GRIN2A: variants seen among roughly 807,000 people sequenced by gnomAD.
GRIN2A encodes the protein glutamate ionotropic receptor NMDA type subunit 2A, also known as glutamate receptor ionotropic, NMDA 2A.
Under a neutral mutation model 113.4 loss-of-function variants are expected in GRIN2A, and 22 were observed. The ratio of observed to expected loss-of-function variants is 0.19; its 90% CI spans 0.14 to 0.28. The LOEUF is 0.28. Among genes scored for constraint, GRIN2A ranks in the 10% least tolerant of loss-of-function variants. GRIN2A has a pLI of 1.00. For missense variants in GRIN2A, 1,502 were observed against 1,887.0 expected (o/e 0.80, Z 3.78); for synonymous variants, 827 against 738.4 (o/e 1.12, Z -1.94).
intron 2 of GRIN2A, among the ~76,000 whole-genome samples, chr16:9,946,307 T>C (rs924792806): frequency 3.9e-5 from 6 of 152,232 alleles, no homozygotes; most frequent in Admixed American, 1.3e-4. Context: ...CCAGCTAATC[T>C]CACACAGAAA....
At chr16:9,990,361 T>C (rs77479911) in intron 2 of GRIN2A, among the ~76,000 whole-genome samples, 1 of 151,622 alleles carries the variant, frequency 6.6e-6, no homozygotes, top group African/African-American at 2.4e-5. Context: ...ATGGGAACAA[T>C]AGACATTGGG....
chr16:10,091,905 G>C (rs1269049076), intron 2 of GRIN2A, among the ~76,000 whole-genome samples: 1 of 152,132 alleles, frequency 6.6e-6, no homozygotes, highest in African/African-American at 2.4e-5. Flanking sequence ...AATTTTTTTA[G>C]GGCTGGTGAA....
At chr16:9,962,782 AAGGATT>A (rs1030437698) in intron 2 of GRIN2A, among the ~76,000 whole-genome samples, 119 of 152,290 alleles carry the variant, frequency 7.8e-4, no homozygotes, top group African/African-American at 2.7e-3. Context: ...TATATACCCA[AAGGATT>A]ATAAATCATG....
chr16:9,920,584 G>A (rs1203826298), intron 3 of GRIN2A, among the ~76,000 whole-genome samples: 1 of 137,990 alleles, frequency 7.2e-6, no homozygotes, highest in Admixed American at 7.3e-5. Flanking sequence ...TTTTTTTTCA[G>A]ATGGAGTCTT....
rs533664379 is a variant in GRIN2A, at chr16:9,810,789, C to T, written c.2168+11475G>A. On this transcript the variant is annotated intron_variant, in intron 10 of 12. Coordinates refer to ENST00000330684, the MANE Select transcript of GRIN2A (RefSeq NM_001134407.3). ...CACCATGCTTGTTATTGGTTATGGC[C>T]ACTCTAGGAAACTACTTCACTGGGG... is the stretch of plus-strand genomic sequence containing the variant. Among the ~76,000 whole-genome samples, 3 of 152,302 alleles carry T rather than the reference C, an allele frequency of 2.0e-5. No individual in the cohort carries two copies. In the South Asian group the frequency reaches 6.2e-4, roughly 32 times the overall value.
intron 2 of GRIN2A, among the ~76,000 whole-genome samples, chr16:10,145,308 G>A (rs551638938): frequency 6.6e-6 from 1 of 152,250 alleles, no homozygotes; most frequent in African/African-American, 2.4e-5. Flanking sequence ...GTTCTTAAGA[G>A]AGATCTCATC....
chr16:9,755,243 T>C lies in GRIN2A; in HGVS notation c.*7906A>G, dbSNP rs1378990053. 3 of 186,276 alleles carry C rather than the reference T, an allele frequency of 1.6e-5. No individual in the cohort carries two copies. Among genetic ancestry groups the C allele is most frequent in the Non-Finnish European group, 3.4e-5 (3 of 88,142 alleles). 11.5% of individuals were successfully genotyped at this position (186,276 alleles called of 1,614,324 possible). On this transcript the variant is annotated 3_prime_UTR_variant, in exon 13 of 13. Coordinates refer to ENST00000330684, the MANE Select transcript of GRIN2A (RefSeq NM_001134407.3). ...TGAGGAATGACTTCATTTTAAGCAA[T>C]TTAGTTCTGGTTCCCTGGAGAGTTG...
rs2042453440 is a variant in GRIN2A, at chr16:9,829,718, C to A, written c.1778-66G>T. 3.7e-6 allele frequency: 4 copies of A among 1,078,566 alleles called. No individual in the cohort carries two copies. The South Asian group carries it at 5.1e-5, about 14-fold the overall frequency. 66.8% of individuals were successfully genotyped at this position (1,078,566 alleles called of 1,614,324 possible). A position where few individuals can be genotyped will look rare whatever the true frequency, so the allele number is the denominator to read the frequency against. On this transcript the variant is annotated intron_variant, in intron 8 of 12. Coordinates refer to ENST00000330684, the MANE Select transcript of GRIN2A (RefSeq NM_001134407.3). ...AAAATGCCTGTTTGTGTATGACAAC[C>A]ACGCAGCAGCCACCAGCAGCACCGA...
chr16:10,087,910 C>T lies in GRIN2A; in HGVS notation c.414+92088G>A, dbSNP rs1337510107. Among the ~76,000 whole-genome samples, 3 of 15,790 alleles carry T rather than the reference C, an allele frequency of 1.9e-4. No homozygotes were observed. In the Non-Finnish European group the frequency reaches 0.021, roughly 113 times the overall value. 10.4% of individuals were successfully genotyped at this position (15,790 alleles called of 152,430 possible). On this transcript the variant is annotated intron_variant, in intron 2 of 12. Transcript: ENST00000330684. ...TTCACCACGTTGCCCAGGCTGGTCT[C>T]GAACTCTGGGCTCAAGCAATCTGCC... is the stretch of plus-strand genomic sequence containing the variant.
At chr16:9,990,721 G>A (rs567111863) in intron 2 of GRIN2A, among the ~76,000 whole-genome samples, 6 of 151,716 alleles carry the variant, frequency 4.0e-5, no homozygotes, top group Middle Eastern at 3.4e-3. Context: ...GAGAAATTTC[G>A]CCTAACAGAG....
chr16:9,843,897 T>G (rs2042726587), intron 5 of GRIN2A, among the ~76,000 whole-genome samples: 1 of 152,184 alleles, frequency 6.6e-6, no homozygotes, highest in Non-Finnish European at 1.5e-5. Context: ...ATGATAGAAA[T>G]GTGTCCTAAG....
At chr16:9,995,062 T>A (rs541889322) in intron 2 of GRIN2A, among the ~76,000 whole-genome samples, 1 of 152,180 alleles carries the variant, frequency 6.6e-6, no homozygotes, top group Non-Finnish European at 1.5e-5. Context: ...AAAGGAAGAC[T>A]GTTGGTCCTT....
chr16:9,833,302 T>C (rs942152419), intron 8 of GRIN2A, among the ~76,000 whole-genome samples: 5 of 152,204 alleles, frequency 3.3e-5, no homozygotes, highest in African/African-American at 9.7e-5. Flanking sequence ...GCACACTTGA[T>C]TTCCTCCTGG....
intron 2 of GRIN2A, among the ~76,000 whole-genome samples, chr16:10,088,552 G>A (rs769331836): frequency 1.3e-5 from 2 of 152,316 alleles, no homozygotes; most frequent in Non-Finnish European, 1.5e-5. Flanking sequence ...CTGGGGCCGC[G>A]GGCTGTCTGG....
intron 2 of GRIN2A, among the ~76,000 whole-genome samples, chr16:10,010,179 C>G (rs2594543): frequency 0.039 from 5,889 of 152,294 alleles, 397 homozygotes; most frequent in African/African-American, 0.13. Context: ...ACAGCAAGGC[C>G]TACCTGGTTC....
intron 2 of GRIN2A, among the ~76,000 whole-genome samples, chr16:10,039,808 G>GAGAAAGAGAGA (rs373952509): frequency 1.6e-5 from 1 of 63,812 alleles, no homozygotes; most frequent in East Asian, 8.5e-4. Flanking sequence ...GGGAGGGGGG[G>GAGAAAGAGAGA]GAGAAAGAGA....
Position 9,912,180 on chromosome 16 carries a change from A to G in GRIN2A, c.1008-21080T>C, listed in dbSNP as rs975732519. 3.9e-5 allele frequency among the ~76,000 whole-genome samples: 6 copies of G among 152,096 alleles called. 1 individual carries two copies. The highest frequency in any genetic ancestry group is 2.0e-4 in the Admixed American group (3 of 15,258). On this transcript the variant is annotated intron_variant, in intron 3 of 12. Transcript: ENST00000330684. ...GAGAAGGAAGAAGAAGAATGGGGAA[A>G]AAAAGGAAGAAGATGTTGGTAATTA... is the stretch of plus-strand genomic sequence containing the variant.
At chr16:9,881,117 CA>C (rs1305006754) in intron 4 of GRIN2A, among the ~76,000 whole-genome samples, 7 of 151,988 alleles carry the variant, frequency 4.6e-5, no homozygotes, top group Non-Finnish European at 8.8e-5. Flanking sequence ...AAATTTTTAA[CA>C]AAAAAATCAT....
chr16:9,948,506 G>C (rs1338576617), intron 2 of GRIN2A, among the ~76,000 whole-genome samples: 11 of 152,180 alleles, frequency 7.2e-5, no homozygotes, highest in Non-Finnish European at 1.5e-5. Context: ...TCTGACCCAG[G>C]GGTCCTGGTG....
Sources: gnomAD v4.1 joint callset for allele counts (sites outside exome capture counted in the v4.1 genomes callset) on GRCh38, gnomAD v4.1.1 for gene constraint, MANE v1.5 for transcripts, NCBI Gene and HGNC (gene_info 2026-07-23, HGNC 2026-07-21) for gene names.